Variants in ARHGAP15 observed in about 807,000 individuals in gnomAD.
ARHGAP15 encodes rho GTPase-activating protein 15.
A neutral mutation model predicts 63.7 loss-of-function variants in ARHGAP15; 51 were observed. That is an observed-to-expected ratio of 0.80 (90% CI 0.64 to 1.01). The LOEUF (loss-of-function observed/expected upper bound fraction) is 1.01. Ranked by LOEUF, ARHGAP15 falls within the 50% of genes least tolerant of loss-of-function variation. The pLI is 0.00. For missense variants in ARHGAP15, 560 were observed against 564.6 expected (o/e 0.99, Z 0.08); for synonymous variants, 191 against 193.8 (o/e 0.99, Z 0.12).
At chr2:143,139,274 G>A (rs1223551788) in intron 1 of ARHGAP15, among the ~76,000 whole-genome samples, 2 of 151,968 alleles carry the variant, frequency 1.3e-5, no homozygotes, top group Non-Finnish European at 2.9e-5. Flanking sequence ...ATTATTAAGG[G>A]ACATGATATC....
At chr2:143,201,502 T>A (rs553744744) in intron 2 of ARHGAP15, among the ~76,000 whole-genome samples, 2 of 152,166 alleles carry the variant, frequency 1.3e-5, no homozygotes, top group African/African-American at 4.8e-5. Context: ...ATTTCTTATT[T>A]CACGTGTTCT....
intron 12 of ARHGAP15, among the ~76,000 whole-genome samples, chr2:143,631,945 T>C (rs929103839): frequency 2.0e-5 from 3 of 152,136 alleles, no homozygotes; most frequent in African/African-American, 4.8e-5. Context: ...GCAGTTATTA[T>C]TTTTAGAAGT....
intron 6 of ARHGAP15, among the ~76,000 whole-genome samples, chr2:143,375,804 C>A (rs1016390558): frequency 2.0e-5 from 3 of 152,136 alleles, no homozygotes; most frequent in African/African-American, 7.2e-5. Flanking sequence ...ATTCCGGCAG[C>A]CAAGAACAGG....
chr2:143,445,153 A>ATTTTTTTTT (rs10671306), intron 8 of ARHGAP15, among the ~76,000 whole-genome samples: 19 of 74,456 alleles, frequency 2.6e-4, no homozygotes, highest in South Asian at 5.7e-4. Context: ...AAGAACAATT[A>ATTTTTTTTT]TTTTTTTTTT....
At chr2:143,528,446 T>C (rs898478891) in intron 10 of ARHGAP15, among the ~76,000 whole-genome samples, 3 of 152,072 alleles carry the variant, frequency 2.0e-5, no homozygotes, top group African/African-American at 4.8e-5. Flanking sequence ...TTTGAGTTGA[T>C]AGAGACTGTC....
intron 13 of ARHGAP15, among the ~76,000 whole-genome samples, chr2:143,765,148 G>A (rs979479739): frequency 7.8e-6 from 1 of 127,572 alleles, no homozygotes; most frequent in Non-Finnish European, 1.6e-5. Context: ...TGTGTGTGTG[G>A]TAAAATTAAT....
At chr2:143,745,675 T>C (rs1686137018) in intron 13 of ARHGAP15, among the ~76,000 whole-genome samples, 1 of 152,236 alleles carries the variant, frequency 6.6e-6, no homozygotes, top group African/African-American at 2.4e-5. Flanking sequence ...GGTTCACTTA[T>C]TTTGCAATTG....
At chr2:143,155,068 T>G (rs1326700447) in intron 1 of ARHGAP15, among the ~76,000 whole-genome samples, 1 of 151,870 alleles carries the variant, frequency 6.6e-6, no homozygotes, top group East Asian at 1.9e-4. Flanking sequence ...TCACCAAGAA[T>G]GGGTGCTGAT....
intron 10 of ARHGAP15, among the ~76,000 whole-genome samples, chr2:143,534,164 G>A (rs1694644294): frequency 6.6e-6 from 1 of 152,126 alleles, no homozygotes; most frequent in African/African-American, 2.4e-5. Flanking sequence ...TCATAATAGT[G>A]AGTGAGTTCT....
intron 6 of ARHGAP15, among the ~76,000 whole-genome samples, chr2:143,428,350 C>T (rs1416532831): frequency 1.3e-5 from 2 of 151,698 alleles, no homozygotes; most frequent in Non-Finnish European, 2.9e-5. Flanking sequence ...AGTGCCAGAG[C>T]ACACAGGGGC....
chr2:143,645,059 C>A (rs2105283624), intron 12 of ARHGAP15, among the ~76,000 whole-genome samples: 1 of 152,052 alleles, frequency 6.6e-6, no homozygotes, highest in East Asian at 1.9e-4. Flanking sequence ...ATGCAAAATT[C>A]CTATTACATA....
chr2:143,699,084 T>C (rs1683973249), intron 12 of ARHGAP15, among the ~76,000 whole-genome samples: 2 of 152,190 alleles, frequency 1.3e-5, no homozygotes, highest in Admixed American at 6.5e-5. Flanking sequence ...CTGTATTATG[T>C]ATGCTGATTC....
At chr2:143,681,467 T>C (rs183153871) in intron 12 of ARHGAP15, among the ~76,000 whole-genome samples, 104 of 152,258 alleles carry the variant, frequency 6.8e-4, no homozygotes, top group African/African-American at 2.4e-3. Flanking sequence ...TGAAAATTTG[T>C]CTTGACATTT....
chr2:143,648,586 C>T (rs1011080308), intron 12 of ARHGAP15: 6 of 151,944 alleles, frequency 3.9e-5, no homozygotes, highest in African/African-American at 1.4e-4. Flanking sequence ...TTCCTTCCCT[C>T]CCCACACCTC....
Position 143,663,938 on chromosome 2 carries a change from T to C in ARHGAP15, c.1139-39481T>C, listed in dbSNP as rs375018783. Among the ~76,000 whole-genome samples the C allele has an allele frequency of 1.4e-4, 21 of 151,850 alleles. No homozygotes were observed. The East Asian group carries it at 1.7e-3, about 13-fold the overall frequency. On this transcript the variant is annotated intron_variant, in intron 12 of 13. Coordinates refer to ENST00000295095, the MANE Select transcript of ARHGAP15 (RefSeq NM_018460.4). The stretch of plus-strand genomic sequence containing the variant: ...AAGTCCTGAGTGACCTACAAAGAGA[T>C]TTAGACTCCCACACATTAATAATGG...
chr2:143,494,824 CAT>C (rs972340118), intron 9 of ARHGAP15, among the ~76,000 whole-genome samples: 22 of 152,282 alleles, frequency 1.4e-4, no homozygotes, highest in Non-Finnish European at 2.8e-4. Flanking sequence ...CCTCAAATAT[CAT>C]ATATTTTCAA....
At chr2:143,265,054 GC>G (rs1465977970) in intron 6 of ARHGAP15, among the ~76,000 whole-genome samples, 1 of 152,058 alleles carries the variant, frequency 6.6e-6, no homozygotes, top group Non-Finnish European at 1.5e-5. Flanking sequence ...ATCACATTGG[GC>G]TTTCACCCAA....
At chr2:143,217,704 C>G (rs1002418400) in intron 4 of ARHGAP15, among the ~76,000 whole-genome samples, 4 of 152,150 alleles carry the variant, frequency 2.6e-5, no homozygotes, top group Non-Finnish European at 5.9e-5. Flanking sequence ...ATGACCTTAT[C>G]AACTCAGGAA....
intron 12 of ARHGAP15, among the ~76,000 whole-genome samples, chr2:143,692,332 A>T (rs1226590648): frequency 6.6e-6 from 1 of 152,236 alleles, no homozygotes; most frequent in Non-Finnish European, 1.5e-5. Context: ...ACTGCCGCAC[A>T]GTGGGAAGCT....
Sources: gnomAD v4.1 joint callset for allele counts (sites outside exome capture counted in the v4.1 genomes callset) on GRCh38, gnomAD v4.1.1 for gene constraint, MANE v1.5 for transcripts, NCBI Gene and HGNC (gene_info 2026-07-23, HGNC 2026-07-21) for gene names.